Variants in LRP1B observed in about 807,000 individuals in gnomAD.
The protein encoded by LRP1B is low-density lipoprotein receptor-related protein 1B.
Under a neutral mutation model 556.6 loss-of-function variants are expected in LRP1B, and 217 were observed. That is an observed-to-expected ratio of 0.39 (90% CI 0.35 to 0.44). The LOEUF (loss-of-function observed/expected upper bound fraction) is 0.44. Ranked by LOEUF, LRP1B falls within the 20% of genes least tolerant of loss-of-function variation. The pLI, the probability that LRP1B is intolerant of heterozygous loss-of-function variation, is 1.00. For synonymous variants in LRP1B, 2,047 were observed against 1,865.8 expected (o/e 1.10, Z -2.50); for missense variants, 5,053 against 5,620.8 (o/e 0.90, Z 3.23).
At chr2:140,412,135 T>C (rs555116940) in intron 66 of LRP1B, among the ~76,000 whole-genome samples, 1 of 152,214 alleles carries the variant, frequency 6.6e-6, no homozygotes. Context: ...AATATATCAA[T>C]TAGGTTACTC....
intron 34 of LRP1B, 68 bp downstream of exon 34, chr2:140,770,813 C>T (rs1212384996): frequency 7.3e-7 from 1 of 1,363,672 alleles, no homozygotes; most frequent in Non-Finnish European, 9.7e-7. Context: ...GGTTGCCTAA[C>T]ATCTGCATGG....
At chr2:140,739,244 T>C (rs780859360) in intron 35 of LRP1B, among the ~76,000 whole-genome samples, 1 of 152,128 alleles carries the variant, frequency 6.6e-6, no homozygotes, top group Non-Finnish European at 1.5e-5. Context: ...AAGAACATTG[T>C]AGCCTTTGCA....
At chr2:140,398,765 G>A (rs972339888) in intron 66 of LRP1B, among the ~76,000 whole-genome samples, 7 of 151,988 alleles carry the variant, frequency 4.6e-5, no homozygotes, top group African/African-American at 1.7e-4. Context: ...ATTCCAGGAA[G>A]AACAAATTCT....
chr2:141,768,755 T>C (rs992002336), intron 2 of LRP1B, among the ~76,000 whole-genome samples: 2 of 152,078 alleles, frequency 1.3e-5, no homozygotes, highest in African/African-American at 2.4e-5. Context: ...ACATTTCTAG[T>C]CTATATATTT....
intron 66 of LRP1B, among the ~76,000 whole-genome samples, chr2:140,441,633 T>A (rs2105299635): frequency 6.6e-6 from 1 of 152,314 alleles, no homozygotes; most frequent in South Asian, 2.1e-4. Context: ...ATTTTCCCCA[T>A]AAAAGTTCAA....
In LRP1B at chr2:141,005,383, C is replaced by A; in HGVS notation, c.2455G>T (p.Ala819Ser). ...TCCAAAAGTTGATTATCGGCACAAGCACACACCCGGCCTCCTGGGATAGCC... is the reference window on the plus strand; with the variant it reads ...TCCAAAAGTTGATTATCGGCACAAGAACACACCCGGCCTCCTGGGATAGCC... ...CLAIPGGRVC[A>S]CADNQLLDEN... Residue 819 changes from alanine (A) to serine (S), a missense_variant, in exon 15 of 91, where the codon GCT becomes TCT. This residue lies in a region of LRP1B where 3,619 missense variants were observed against 3,931.9 expected (regional missense o/e 0.92). Transcript: ENST00000389484. The A allele has an allele frequency of 1.2e-6, 2 of 1,611,040 alleles. No homozygotes were observed. The highest frequency in any genetic ancestry group is 1.7e-6 in the Non-Finnish European group (2 of 1,178,046).
chr2:141,405,324 A>T (rs1690596248), intron 3 of LRP1B, among the ~76,000 whole-genome samples: 1 of 152,168 alleles, frequency 6.6e-6, no homozygotes, highest in Admixed American at 6.6e-5. Flanking sequence ...AGTACATTTT[A>T]AAAAAACTAT....
chr2:141,320,557 G>A (rs1687202016), intron 3 of LRP1B, among the ~76,000 whole-genome samples: 1 of 152,068 alleles, frequency 6.6e-6, no homozygotes, highest in Non-Finnish European at 1.5e-5. Flanking sequence ...CTTTCTGGGA[G>A]CTAGTGCATG....
chr2:140,890,006 C>T (rs928279059), intron 23 of LRP1B, among the ~76,000 whole-genome samples: 3 of 151,802 alleles, frequency 2.0e-5, no homozygotes, highest in Non-Finnish European at 2.9e-5. Context: ...CTAGAAAGAA[C>T]CTTAAAGGCC....
chr2:140,816,915 A>C (rs1464682339), intron 31 of LRP1B, among the ~76,000 whole-genome samples: 1 of 152,180 alleles, frequency 6.6e-6, no homozygotes, highest in Non-Finnish European at 1.5e-5. Context: ...CTAAATGATT[A>C]ATTGGTATAC....
intron 2 of LRP1B, among the ~76,000 whole-genome samples, chr2:141,543,055 T>C: frequency 6.6e-6 from 1 of 152,156 alleles, no homozygotes; most frequent in Non-Finnish European, 1.5e-5. Flanking sequence ...TTATTATCCA[T>C]ATACCCTAAA....
Position 141,854,648 on chromosome 2 carries a change from T to C in LRP1B, c.83-44247A>G, listed in dbSNP as rs76663382. Among the ~76,000 whole-genome samples, 173 of 152,128 alleles carry C rather than the reference T, an allele frequency of 1.1e-3. 2 individuals carry two copies. In the East Asian group the frequency reaches 0.033, roughly 29 times the overall value. ...CCCTTAATCCTTGATGTTTTAAAAA[T>C]GTGGATGCCATAAAATTGTAAGTAG... On this transcript the variant is annotated intron_variant, in intron 1 of 90. Coordinates refer to ENST00000389484, the MANE Select transcript of LRP1B (RefSeq NM_018557.3).
intron 43 of LRP1B, among the ~76,000 whole-genome samples, chr2:140,568,554 G>A (rs1181906724): frequency 2.0e-5 from 3 of 152,120 alleles, no homozygotes; most frequent in Admixed American, 6.5e-5. Flanking sequence ...AAAATCTGTA[G>A]AAAACCTATT....
chr2:141,982,361 C>G (rs1268621133), intron 1 of LRP1B, among the ~76,000 whole-genome samples: 1 of 152,092 alleles, frequency 6.6e-6, no homozygotes, highest in Non-Finnish European at 1.5e-5. Context: ...TATGGAGCCA[C>G]AACAAACACA....
At chr2:141,957,426 C>T (rs1045693877) in intron 1 of LRP1B, among the ~76,000 whole-genome samples, 5 of 148,536 alleles carry the variant, frequency 3.4e-5, no homozygotes, top group East Asian at 2.0e-4. Flanking sequence ...AGCTTTGTTT[C>T]GTGCACAGCC....
rs976894668 is a variant in LRP1B, at chr2:140,373,217, G to A, written c.10639-80C>T. ...ACACTCAAAAGACAAGAAAACTTAT[G>A]TACAGAAAACCTGGAACTGATCCTG... On this transcript the variant is annotated intron_variant, in intron 68 of 90. Coordinates refer to ENST00000389484, the MANE Select transcript of LRP1B (RefSeq NM_018557.3). The A allele has an allele frequency of 6.3e-6, 8 of 1,260,790 alleles. No individual in the cohort carries two copies. In the Admixed American group the frequency reaches 6.6e-5, roughly 10 times the overall value. The allele number at this position is 1,260,790 out of a possible 1,614,324, so 78.1% of individuals were successfully genotyped here.
chr2:142,117,090 C>T (rs538510828), intron 1 of LRP1B, among the ~76,000 whole-genome samples: 2 of 152,140 alleles, frequency 1.3e-5, no homozygotes, highest in South Asian at 4.2e-4. Flanking sequence ...TGTTACTTCC[C>T]ACACGGAATA....
At chr2:140,509,444 T>C (rs1689560136) in intron 52 of LRP1B, among the ~76,000 whole-genome samples, 1 of 152,162 alleles carries the variant, frequency 6.6e-6, no homozygotes, top group Admixed American at 6.5e-5. Context: ...GCTATATCCA[T>C]ACTATTTTTA....
chr2:140,711,593 GTTA>G (rs35951428), intron 37 of LRP1B, among the ~76,000 whole-genome samples: 82,578 of 151,588 alleles, frequency 0.54, 23,574 homozygotes, highest in Middle Eastern at 0.64. Flanking sequence ...ATTATCAAGT[GTTA>G]TTATTCAATG....
Sources: allele counts gnomAD v4.1 joint callset (sites outside exome capture counted in the v4.1 genomes callset), GRCh38; gene constraint gnomAD v4.1.1; regional missense constraint gnomAD v4.1.1; transcripts MANE v1.5; gene names NCBI Gene and HGNC (gene_info 2026-07-23, HGNC 2026-07-21).